The following LINGO1 variants were observed in gnomAD, a reference collection of about 807,000 sequenced individuals.
LINGO1 encodes the protein leucine rich repeat and Ig domain containing 1.
Under a neutral mutation model 37.3 loss-of-function variants are expected in LINGO1, and 11 were observed. The ratio of observed to expected loss-of-function variants is 0.29; its 90% CI spans 0.19 to 0.49. The LOEUF is 0.49. Among genes scored for constraint, LINGO1 ranks in the 20% least tolerant of loss-of-function variants. LINGO1 has a pLI of 0.99. For synonymous variants in LINGO1, 387 were observed against 403.0 expected, an observed-to-expected ratio of 0.96 and a Z score of 0.48; for missense variants, 585 against 878.2, an observed-to-expected ratio of 0.67 and a Z score of 4.22.
chr15:77,726,452 C>G (rs2076103054), intron 2 of LINGO1, among the ~76,000 whole-genome samples: 1 of 152,228 alleles, frequency 6.6e-6, no homozygotes, highest in Non-Finnish European at 1.5e-5. Flanking sequence ...AAGTCCTGTC[C>G]TCATTAGGGC....
intron 1 of LINGO1, among the ~76,000 whole-genome samples, chr15:77,776,488 AGCAGGAAGGCAGGAAGGCAGGAAG>A (rs1204753224): frequency 2.2e-4 from 20 of 90,630 alleles, no homozygotes; most frequent in African/African-American, 9.4e-4. Flanking sequence ...AAGGCAGGAA[AGCAGGAAGGCAGGAAGGCAGGAAG>A]GCAGGAAGGG....
At chr15:77,705,720 T>C (rs1053111387) in intron 2 of LINGO1, among the ~76,000 whole-genome samples, 4 of 152,250 alleles carry the variant, frequency 2.6e-5, no homozygotes, top group Non-Finnish European at 4.4e-5. Context: ...TTCTGGATCC[T>C]CTCAGGCACA....
intron 1 of LINGO1, among the ~76,000 whole-genome samples, chr15:77,693,287 A>G (rs1190154126): frequency 1.8e-4 from 27 of 152,258 alleles, no homozygotes; most frequent in Non-Finnish European, 1.5e-5. Flanking sequence ...TCATGAGGAC[A>G]GGGGATACCG....
intron 1 of LINGO1, among the ~76,000 whole-genome samples, chr15:77,775,879 A>C (rs115257131): frequency 0.014 from 2,091 of 152,162 alleles, 45 homozygotes; most frequent in African/African-American, 0.049. Flanking sequence ...CCACTGCCCC[A>C]CACACACGCA....
At chr15:77,623,644 G>A (rs2073991843) in intron 1 of LINGO1, among the ~76,000 whole-genome samples, 1 of 152,190 alleles carries the variant, frequency 6.6e-6, no homozygotes, top group Non-Finnish European at 1.5e-5. Flanking sequence ...AGTGTCCGCC[G>A]TCTCCCCGGG....
intron 2 of LINGO1, among the ~76,000 whole-genome samples, chr15:77,711,817 C>T (rs952324975): frequency 6.6e-6 from 1 of 152,204 alleles, no homozygotes; most frequent in African/African-American, 2.4e-5. Context: ...ACCCTCTGAA[C>T]GCTTCAGCGG....
At chr15:77,686,493 G>A (rs1166024241) in intron 2 of LINGO1, among the ~76,000 whole-genome samples, 1 of 152,252 alleles carries the variant, frequency 6.6e-6, no homozygotes, top group Non-Finnish European at 1.5e-5. Flanking sequence ...GCATCAGGCA[G>A]TGCCTGTGTT....
At chr15:77,712,377 A>G (rs1004301729) in intron 2 of LINGO1, among the ~76,000 whole-genome samples, 6 of 152,020 alleles carry the variant, frequency 3.9e-5, no homozygotes, top group Admixed American at 3.3e-4. Flanking sequence ...TCCATGGTCC[A>G]TCAGCATAAT....
chr15:77,813,770 G>A (rs2077026044), intron 1 of LINGO1, among the ~76,000 whole-genome samples: 1 of 152,208 alleles, frequency 6.6e-6, no homozygotes, highest in African/African-American at 2.4e-5. Flanking sequence ...GCCTTGTAAG[G>A]CAGGCAGGGA....
At chr15:77,630,687 C>A (rs1291799656) in intron 1 of LINGO1, among the ~76,000 whole-genome samples, 1 of 152,176 alleles carries the variant, frequency 6.6e-6, no homozygotes, top group Non-Finnish European at 1.5e-5. Flanking sequence ...GCAGCTTTAA[C>A]TAAGCCCTAC....
intron 1 of LINGO1, among the ~76,000 whole-genome samples, chr15:77,746,199 C>A (rs1015982220): frequency 2.8e-5 from 4 of 141,924 alleles, no homozygotes; most frequent in Non-Finnish European, 6.0e-5. Context: ...GAGAGCGAGA[C>A]CCTGTCTCAA....
At chr15:77,712,420 A>T (rs1372568911) in intron 2 of LINGO1, among the ~76,000 whole-genome samples, 2 of 151,962 alleles carry the variant, frequency 1.3e-5, no homozygotes, top group African/African-American at 4.8e-5. Flanking sequence ...CCTCCCCCTA[A>T]GCAGTACTTT....
chr15:77,749,940 A>C (rs1023775368), intron 1 of LINGO1, among the ~76,000 whole-genome samples: 2 of 151,646 alleles, frequency 1.3e-5, no homozygotes, highest in Non-Finnish European at 1.5e-5. Context: ...TCCTCCCAGC[A>C]GCTCTCAGGG....
At chr15:77,628,905 C>T (rs988839365) in intron 1 of LINGO1, among the ~76,000 whole-genome samples, 1 of 152,180 alleles carries the variant, frequency 6.6e-6, no homozygotes, top group Non-Finnish European at 1.5e-5. Context: ...CACCTACCAC[C>T]TACAAGGATA....
upstream of LINGO1, among the ~76,000 whole-genome samples, chr15:77,633,148 C>T (rs1445476455): frequency 1.3e-5 from 2 of 151,854 alleles, no homozygotes; most frequent in Non-Finnish European, 2.9e-5. Context: ...GCGCACCAGC[C>T]AGGCGCTCCA....
rs191003123 is a variant in LINGO1 at position 77,745,548 on chromosome 15, C to T, written c.-256-10495G>A. Among the ~76,000 whole-genome samples, 1,013 of 152,330 alleles carry T rather than the reference C, an allele frequency of 6.7e-3. 9 individuals are homozygous for T. Among genetic ancestry groups the T allele is most frequent in the African/African-American group, 0.023 (966 of 41,596 alleles). ...GGCTCTGCCCACTGAGCGTGAGCTT[C>T]TATTCATTTGCTGGAGACCATCTCA... On this transcript the variant is annotated intron_variant, in intron 1 of 3. Transcript: ENST00000561686.
intron 2 of LINGO1, among the ~76,000 whole-genome samples, chr15:77,710,655 C>A (rs962475949): frequency 2.6e-5 from 4 of 152,240 alleles, no homozygotes; most frequent in South Asian, 2.1e-4. Flanking sequence ...CTTCACTTTG[C>A]CGCGGTGCTG....
Position 77,807,271 on chromosome 15 carries a change from G to A in LINGO1, c.-457-11218C>T, listed in dbSNP as rs71407227. Among the ~76,000 whole-genome samples the A allele has an allele frequency of 8.4e-3, 1,287 of 152,320 alleles. 9 individuals carry two copies. The highest frequency in any genetic ancestry group is 0.013 in the Non-Finnish European group (910 of 68,038). On this transcript the variant is annotated intron_variant, in intron 1 of 5. Coordinates refer to the LINGO1 transcript ENST00000562933. ...AATGTAGTGATTATGTTTGTGTGGTGGTGCCCCCTCTAATCAGTGAGCTCT... is the reference window on the plus strand; with the variant it reads ...AATGTAGTGATTATGTTTGTGTGGTAGTGCCCCCTCTAATCAGTGAGCTCT...
upstream of LINGO1, among the ~76,000 whole-genome samples, chr15:77,698,551 G>GCCTTC (rs1444553898): frequency 6.6e-6 from 1 of 152,200 alleles, no homozygotes; most frequent in Non-Finnish European, 1.5e-5. Flanking sequence ...GAAAGGGAAT[G>GCCTTC]CCTGACAGTG....
Sources: allele counts gnomAD v4.1 joint callset (sites outside exome capture counted in the v4.1 genomes callset), GRCh38; gene constraint gnomAD v4.1.1; transcripts MANE v1.5; gene names NCBI Gene and HGNC (gene_info 2026-07-23, HGNC 2026-07-21).